DNAH9: variants seen among roughly 807,000 people sequenced by gnomAD.
The protein encoded by DNAH9 is dynein axonemal heavy chain 9.
DNAH9 carries 345 observed loss-of-function variants against 471.6 expected under a neutral mutation model. That is an observed-to-expected ratio of 0.73 (90% confidence interval 0.67 to 0.80). The LOEUF (loss-of-function observed/expected upper bound fraction) is 0.80, where lower values mean the gene tolerates loss of function less well. DNAH9 is among the 30% of genes least tolerant of loss of function. The pLI is 0.00. For synonymous variants in DNAH9, 2,093 were observed against 2,123.6 expected, an observed-to-expected ratio of 0.99 and a Z score of 0.40; for missense variants, 5,407 against 5,609.2, an observed-to-expected ratio of 0.96 and a Z score of 1.15.
At chr17:11,612,292 G>T in intron 4 of DNAH9, 1 of 209,374 alleles carries the variant, frequency 4.8e-6, no homozygotes, top group East Asian at 1.1e-4. Context: ...TCCAGGACCT[G>T]GGATTATTGG....
At position 11,679,891 on chromosome 17, in the gene DNAH9, A is replaced by C; in HGVS notation, c.3488A>C (p.Asp1163Ala). ...MAVKERQSNT[D>A]EMFEPLKQTI... ...GTTAAAGAACGGCAGAGTAACACTG[A>C]TGAGATGTTTGAGCCCTTAAAGCAG... is the stretch of plus-strand genomic sequence containing the variant. Residue 1163 changes from aspartate to alanine, a missense_variant, in exon 18 of 69, where the codon GAT becomes GCT. Asp to Ala is a moderately radical substitution (Grantham distance 126). Coordinates refer to ENST00000262442, the MANE Select transcript of DNAH9 (RefSeq NM_001372.4). The C allele has an allele frequency of 6.2e-7, 1 of 1,614,122 alleles. No individual in the cohort carries two copies. The highest frequency in any genetic ancestry group is 1.1e-5 in the South Asian group (1 of 91,082).
chr17:11,899,182 T>TAA (rs141389733), intron 59 of DNAH9, among the ~76,000 whole-genome samples: 1,331 of 120,578 alleles, frequency 0.011, 19 homozygotes, highest in African/African-American at 0.033. Context: ...ACATGATTTT[T>TAA]TAAAAAAAAA....
At chr17:11,638,722 G>A (rs538091822) in intron 9 of DNAH9, among the ~76,000 whole-genome samples, 9 of 152,268 alleles carry the variant, frequency 5.9e-5, no homozygotes, top group African/African-American at 2.2e-4. Context: ...GTCCAGCATG[G>A]TGCATCTGGG....
intron 66 of DNAH9, among the ~76,000 whole-genome samples, chr17:11,938,894 C>T (rs534948778): frequency 6.6e-6 from 1 of 152,250 alleles, no homozygotes; most frequent in South Asian, 2.1e-4. Context: ...CCACTGCACC[C>T]GGTCCTAGCT....
At chr17:11,820,112 T>G (rs926898775) in intron 45 of DNAH9, among the ~76,000 whole-genome samples, 1 of 152,198 alleles carries the variant, frequency 6.6e-6, no homozygotes, top group Non-Finnish European at 1.5e-5. Flanking sequence ...AAATCTCATT[T>G]ATTCCTAGTT....
intron 61 of DNAH9, 42 bp downstream of exon 61, chr17:11,905,851 C>CATG: frequency 1.3e-6 from 2 of 1,555,550 alleles, no homozygotes; most frequent in East Asian, 4.5e-5. Flanking sequence ...GCATTTGCCC[C>CATG]ATGCACTTTC....
Position 11,807,774 on chromosome 17 carries a change from T to C in DNAH9, c.8463T>C (p.Ala2821=), listed in dbSNP as rs1467531375. The C allele has an allele frequency of 1.5e-5, 25 of 1,613,570 alleles. No individual in the cohort carries two copies. The highest frequency in any genetic ancestry group is 2.1e-5 in the Non-Finnish European group (25 of 1,179,662). The part of the protein sequence containing the change: ...NRILESPRGN[A]LLVGVGGSGK... ...TCTTGGAGTCCCCGCGGGGAAATGC[T>C]CTGCTGGTTGGTGTAGGTGGGAGCG... The change falls in exon 44 of 69, where the codon GCT becomes GCC. Residue 2821 remains alanine, a synonymous_variant. Coordinates refer to ENST00000262442, the MANE Select transcript of DNAH9 (RefSeq NM_001372.4).
chr17:11,637,357 C>T (rs942225383), intron 9 of DNAH9, among the ~76,000 whole-genome samples: 1 of 152,058 alleles, frequency 6.6e-6, no homozygotes, highest in African/African-American at 2.4e-5. Flanking sequence ...TGTGGCAAGT[C>T]AAGGTAAGGG....
intron 41 of DNAH9, among the ~76,000 whole-genome samples, chr17:11,788,640 T>C (rs1359861302): frequency 6.6e-6 from 1 of 152,016 alleles, no homozygotes; most frequent in African/African-American, 2.4e-5. Flanking sequence ...TTCAGTATTA[T>C]ATGTGTATCT....
At chr17:11,781,475 G>A (rs116768522) in intron 39 of DNAH9, among the ~76,000 whole-genome samples, 3,473 of 152,256 alleles carry the variant, frequency 0.023, 108 homozygotes, top group African/African-American at 0.076. Context: ...TCACATGCCC[G>A]AAGCAGAATT....
chr17:11,742,077 C>A, intron 29 of DNAH9, 98 bp from the exon 30 acceptor site: 1 of 1,109,250 alleles, frequency 9.0e-7, no homozygotes, highest in African/African-American at 1.5e-5. Flanking sequence ...TCACAGATGC[C>A]TCCATGTGTG....
At position 11,942,386 on chromosome 17, in the gene DNAH9, C is replaced by T; in HGVS notation, c.12744C>T (p.Arg4248=). 6 of 1,614,214 alleles carry T rather than the reference C, an allele frequency of 3.7e-6. No homozygotes were observed. The highest frequency in any genetic ancestry group is 4.2e-6 in the Non-Finnish European group (5 of 1,180,036). The change falls in exon 67 of 69, where the codon CGC becomes CGT. Residue 4248 remains arginine, a synonymous_variant. Transcript: ENST00000262442. ...IPELMAKVEE[R]TPYIVVAFQE... ...AACTGATGGCCAAAGTGGAGGAGCG[C>T]ACCCCTTACATTGTAGTTGCCTTCC...
chr17:11,932,781 C>T lies in DNAH9; in HGVS notation c.12297+576C>T, dbSNP rs140343034. ...GAGTCAGTCCCATGAGAGTTTGTCC[C>T]GGGCCCCACCAGACCATACCTATGT... On this transcript the variant is annotated intron_variant, in intron 64 of 68. Coordinates refer to ENST00000262442, the MANE Select transcript of DNAH9 (RefSeq NM_001372.4). The surrounding 1 kb of genome is among the most constrained non-coding windows in gnomAD (Gnocchi z 4.3). Among the ~76,000 whole-genome samples, 173 of 152,198 alleles carry T rather than the reference C, an allele frequency of 1.1e-3. 1 individual carries two copies. Among genetic ancestry groups the T allele is most frequent in the African/African-American group, 3.9e-3 (162 of 41,526 alleles).
intron 38 of DNAH9, among the ~76,000 whole-genome samples, chr17:11,769,878 A>C (rs8080946): frequency 0.45 from 68,763 of 152,058 alleles, 19,143 homozygotes; most frequent in African/African-American, 0.8. Context: ...GTGATGTTTT[A>C]CCCTTGCCAG....
At chr17:11,897,503 A>G (rs1973257616) in intron 59 of DNAH9, among the ~76,000 whole-genome samples, 1 of 152,246 alleles carries the variant, frequency 6.6e-6, no homozygotes, top group Admixed American at 6.5e-5. Flanking sequence ...ATAGGACAGT[A>G]TGGTCCAGAG....
chr17:11,816,722 T>C (rs1452711455), intron 45 of DNAH9, among the ~76,000 whole-genome samples: 1 of 152,302 alleles, frequency 6.6e-6, no homozygotes, highest in East Asian at 1.9e-4. Context: ...AGCTGTGGCC[T>C]TTAAGGAGTC....
At chr17:11,837,559 G>A (rs1970888443) in intron 49 of DNAH9, among the ~76,000 whole-genome samples, 1 of 152,122 alleles carries the variant, frequency 6.6e-6, no homozygotes, top group African/African-American at 2.4e-5. Flanking sequence ...TCTCTGCCTT[G>A]GACTATGGCA....
At chr17:11,929,841 G>A (rs763235745) in intron 62 of DNAH9, 25 bp from the exon 63 acceptor site, 1 of 1,592,928 alleles carries the variant, frequency 6.3e-7, no homozygotes, top group South Asian at 1.1e-5. Flanking sequence ...CCTGTATTGA[G>A]GGGGGGCTCC....
intron 22 of DNAH9, among the ~76,000 whole-genome samples, chr17:11,696,037 G>A (rs2074470955): frequency 6.6e-6 from 1 of 152,170 alleles, no homozygotes; most frequent in Admixed American, 6.5e-5. Context: ...TATATACTCA[G>A]AGATGTATCC....
Sources: gnomAD v4.1 joint callset for allele counts (sites outside exome capture counted in the v4.1 genomes callset) on GRCh38, gnomAD v4.1.1 for gene constraint, Gnocchi (gnomAD v3.1) non-coding constraint, MANE v1.5 for transcripts, NCBI Gene and HGNC (gene_info 2026-07-23, HGNC 2026-07-21) for gene names.